The following SUMF1 variants were observed in gnomAD, a reference collection of about 807,000 sequenced individuals.
SUMF1 encodes formylglycine-generating enzyme.
In SUMF1, 48 loss-of-function variants were observed where a neutral mutation model predicts 47.6. That is an observed-to-expected ratio of 1.01 (90% CI 0.80 to 1.28). The LOEUF is 1.28. Among genes scored for constraint, SUMF1 ranks in the 50% most tolerant of loss-of-function variants. The probability of loss-of-function intolerance (pLI) is 0.00; values close to 1 mark genes in which losing one functional copy is unlikely to be tolerated. For missense variants in SUMF1, 571 were observed against 485.4 expected (o/e 1.18, Z -1.66); for synonymous variants, 230 against 192.1 (o/e 1.20, Z -1.63).
chr3:4,278,485 G>C (rs1255561948), intron 8 of SUMF1, among the ~76,000 whole-genome samples: 1 of 152,026 alleles, frequency 6.6e-6, no homozygotes, highest in African/African-American at 2.4e-5. Flanking sequence ...AGGATGACTT[G>C]CTTAATTCTG....
Position 4,417,951 on chromosome 3 carries a change from GTTGT to G in SUMF1, c.725+55_725+58del, listed in dbSNP as rs763630540. On this transcript the variant is annotated intron_variant, in intron 5 of 8. Coordinates refer to ENST00000272902, the MANE Select transcript of SUMF1 (RefSeq NM_182760.4). ...AGTAAGTTCCATGGAGTTTTTTGTT[GTTGT>G]TTGTTTGTTCAAATGACCAACATAT... The G allele has an allele frequency of 3.3e-5, 53 of 1,611,692 alleles. No individual in the cohort carries two copies. The Admixed American group carries it at 7.2e-4, about 22-fold the overall frequency.
chr3:4,460,795 T>G (rs1234131827), intron 1 of SUMF1, among the ~76,000 whole-genome samples: 1 of 151,916 alleles, frequency 6.6e-6, no homozygotes, highest in Non-Finnish European at 1.5e-5. Context: ...CAGCTGGCAC[T>G]ACAGGTGAAC....
At chr3:4,298,944 C>T (rs116789343) in intron 8 of SUMF1, among the ~76,000 whole-genome samples, 3 of 152,328 alleles carry the variant, frequency 2.0e-5, no homozygotes, top group Non-Finnish European at 2.9e-5. Context: ...GTTCCTTCCA[C>T]CTGGAATGCC....
chr3:4,342,909 T>C (rs1258981193), intron 8 of SUMF1, among the ~76,000 whole-genome samples: 1 of 152,184 alleles, frequency 6.6e-6, no homozygotes, highest in Non-Finnish European at 1.5e-5. Context: ...ACAGGAGAGC[T>C]CAACATTATT....
chr3:4,393,584 C>T lies in SUMF1; in HGVS notation c.955-17195G>A, dbSNP rs541703664. On this transcript the variant is annotated intron_variant, in intron 7 of 8. Transcript: ENST00000272902. ...CTGGCCTCAAGAGATCATCCCACCT[C>T]AGTCTCCCAAAGCACTGGTATTACA... Among the ~76,000 whole-genome samples the T allele has an allele frequency of 1.1e-4, 16 of 152,256 alleles. No individual in the cohort carries two copies. In the East Asian group the frequency reaches 3.1e-3, roughly 29 times the overall value.
intron 8 of SUMF1, chr3:4,316,632 C>T (rs747481924): frequency 6.4e-7 from 1 of 1,551,224 alleles, no homozygotes; most frequent in Non-Finnish European, 8.7e-7. Context: ...TTCTCTTATT[C>T]TACGCAACCA....
chr3:4,151,494 C>CGTATATAT (rs1559514314), intron 8 of SUMF1, among the ~76,000 whole-genome samples: 2 of 129,988 alleles, frequency 1.5e-5, no homozygotes, highest in Admixed American at 7.7e-5. Context: ...TGTATATATA[C>CGTATATAT]GTATATATGT....
rs181055484 is a variant in SUMF1 at position 4,404,667 on chromosome 3, G to A, written c.954+6198C>T. On this transcript the variant is annotated intron_variant, in intron 7 of 8. Transcript: ENST00000272902. ...TAATCCCAGCTACTTGCGAGGCTGA[G>A]GCAGGAGAATCGCTTGAACCCAGGA... 6.3e-4 allele frequency among the ~76,000 whole-genome samples: 96 copies of A among 152,344 alleles called. 1 individual carries two copies. The highest frequency in any genetic ancestry group is 3.2e-3 in the Admixed American group (49 of 15,304).
At chr3:4,318,464 T>A (rs1698742926) in intron 8 of SUMF1, among the ~76,000 whole-genome samples, 1 of 152,196 alleles carries the variant, frequency 6.6e-6, no homozygotes, top group African/African-American at 2.4e-5. Flanking sequence ...AAAGGATATC[T>A]ATGAAGACCC....
intron 8 of SUMF1, among the ~76,000 whole-genome samples, chr3:4,252,905 G>A (rs1340820293): frequency 6.6e-6 from 1 of 152,144 alleles, no homozygotes; most frequent in Non-Finnish European, 1.5e-5. Flanking sequence ...TGATCCTGGT[G>A]TATTCGTATC....
intron 8 of SUMF1, among the ~76,000 whole-genome samples, chr3:4,077,507 G>T (rs1032700250): frequency 1.3e-5 from 2 of 152,100 alleles, no homozygotes; most frequent in Non-Finnish European, 2.9e-5. Context: ...TCCTTTGCAG[G>T]GACATGGATG....
intron 8 of SUMF1, among the ~76,000 whole-genome samples, chr3:4,169,739 G>A (rs1694791476): frequency 6.6e-6 from 1 of 152,102 alleles, no homozygotes; most frequent in South Asian, 2.1e-4. Context: ...CATCATGTAG[G>A]GCTTGTGCAA....
chr3:4,314,074 G>A, intron 8 of SUMF1: 1 of 472,370 alleles, frequency 2.1e-6, no homozygotes, highest in Non-Finnish European at 3.8e-6. Flanking sequence ...CTGCTGGCTG[G>A]AATGTATACA....
At chr3:4,049,853 T>G (rs1435804987) in intron 9 of SUMF1, among the ~76,000 whole-genome samples, 1 of 151,992 alleles carries the variant, frequency 6.6e-6, no homozygotes, top group African/African-American at 2.4e-5. Flanking sequence ...AGGATGAATG[T>G]GGGGGTATTA....
chr3:4,286,595 C>G (rs530125897), intron 8 of SUMF1, among the ~76,000 whole-genome samples: 4 of 152,124 alleles, frequency 2.6e-5, no homozygotes, highest in African/African-American at 7.2e-5. Context: ...CAGTCATGTT[C>G]TGTTAAAGCC....
chr3:4,168,204 G>A (rs1694754566), intron 8 of SUMF1, among the ~76,000 whole-genome samples: 1 of 152,050 alleles, frequency 6.6e-6, no homozygotes. Context: ...ACCCCCATGT[G>A]GTCTGAACCT....
chr3:4,319,725 G>GGTT, intron 8 of SUMF1, among the ~76,000 whole-genome samples: 1 of 152,154 alleles, frequency 6.6e-6, no homozygotes, highest in East Asian at 1.9e-4. Context: ...TTCATAACAA[G>GGTT]GTTATAATTG....
chr3:4,396,810 C>T (rs923490775), intron 7 of SUMF1, among the ~76,000 whole-genome samples: 1 of 152,096 alleles, frequency 6.6e-6, no homozygotes, highest in Admixed American at 6.6e-5. Context: ...AAGAGTGAGG[C>T]CCCAGGAGAA....
chr3:4,247,636 G>A (rs1295842347), intron 8 of SUMF1, among the ~76,000 whole-genome samples: 2 of 152,158 alleles, frequency 1.3e-5, no homozygotes, highest in Non-Finnish European at 2.9e-5. Context: ...ATTAAGACAT[G>A]AGTTAGAGCA....
Sources: allele counts gnomAD v4.1 joint callset (sites outside exome capture counted in the v4.1 genomes callset), GRCh38; gene constraint gnomAD v4.1.1; transcripts MANE v1.5; gene names NCBI Gene and HGNC (gene_info 2026-07-23, HGNC 2026-07-21).